ZNF804B: variants seen among roughly 807,000 people sequenced by gnomAD.
ZNF804B encodes zinc finger protein 804B.
In ZNF804B, 80 loss-of-function variants were observed where a neutral mutation model predicts 101.4. The ratio of observed to expected loss-of-function variants is 0.79; its 90% CI spans 0.66 to 0.95. The LOEUF is 0.95. Among genes scored for constraint, ZNF804B ranks in the 40% least tolerant of loss-of-function variants. The pLI, the probability that ZNF804B is intolerant of heterozygous loss-of-function variation, is 0.00. For missense variants in ZNF804B, 1,673 were observed against 1,561.9 expected, an observed-to-expected ratio of 1.07 and a Z score of -1.20; for synonymous variants, 622 against 558.8, an observed-to-expected ratio of 1.11 and a Z score of -1.59.
At chr7:88,997,713 T>C (rs1788222886) in intron 1 of ZNF804B, among the ~76,000 whole-genome samples, 1 of 152,062 alleles carries the variant, frequency 6.6e-6, no homozygotes, top group Admixed American at 6.6e-5. Context: ...ATTTTTGCTT[T>C]ATTTCTATTG....
intron 1 of ZNF804B, among the ~76,000 whole-genome samples, chr7:88,770,044 A>G (rs1056961263): frequency 6.6e-6 from 1 of 152,202 alleles, no homozygotes; most frequent in African/African-American, 2.4e-5. Context: ...ATCAGTTGTT[A>G]ATAGATAGTT....
At chr7:88,972,246 T>C (rs1488736358) in intron 1 of ZNF804B, among the ~76,000 whole-genome samples, 3 of 151,560 alleles carry the variant, frequency 2.0e-5, no homozygotes, top group African/African-American at 7.3e-5. Context: ...TACTGTCTCA[T>C]TTCTCACCAG....
chr7:88,962,788 G>A (rs1793407608), intron 1 of ZNF804B, among the ~76,000 whole-genome samples: 1 of 135,684 alleles, frequency 7.4e-6, no homozygotes, highest in South Asian at 2.3e-4. Context: ...TAAATTTATA[G>A]TCTTAAAAAG....
chr7:88,944,340 T>C (rs1584030799), intron 1 of ZNF804B, among the ~76,000 whole-genome samples: 1 of 151,858 alleles, frequency 6.6e-6, no homozygotes, highest in East Asian at 1.9e-4. Flanking sequence ...GTTTGCATTT[T>C]CTAATGACTA....
At chr7:88,790,779 T>C (rs573665898) in intron 1 of ZNF804B, among the ~76,000 whole-genome samples, 1 of 152,206 alleles carries the variant, frequency 6.6e-6, no homozygotes, top group South Asian at 2.1e-4. Flanking sequence ...TGCATTCTAT[T>C]ATAACTTTCA....
intron 1 of ZNF804B, among the ~76,000 whole-genome samples, chr7:88,967,144 A>T (rs1190850413): frequency 6.6e-6 from 1 of 151,588 alleles, no homozygotes; most frequent in Non-Finnish European, 1.5e-5. Context: ...GAGATGATGC[A>T]CATTGCTATG....
intron 2 of ZNF804B, among the ~76,000 whole-genome samples, chr7:89,316,601 A>T (rs1562944125): frequency 6.6e-6 from 1 of 152,132 alleles, no homozygotes; most frequent in East Asian, 1.9e-4. Context: ...ACAACAAAAG[A>T]TCACCTCTCA....
chr7:89,203,331 A>G (rs1054389359), intron 1 of ZNF804B, among the ~76,000 whole-genome samples: 1 of 152,192 alleles, frequency 6.6e-6, no homozygotes, highest in African/African-American at 2.4e-5. Flanking sequence ...AAACTGATGT[A>G]CAGAACTTCT....
intron 1 of ZNF804B, among the ~76,000 whole-genome samples, chr7:89,209,404 A>C (rs1788769353): frequency 6.6e-6 from 1 of 152,192 alleles, no homozygotes; most frequent in Admixed American, 6.5e-5. Context: ...TCTCATTCCA[A>C]GTCTGGCTAA....
chr7:88,784,312 G>A (rs1234206881), intron 1 of ZNF804B, among the ~76,000 whole-genome samples: 3 of 152,184 alleles, frequency 2.0e-5, no homozygotes, highest in Non-Finnish European at 4.4e-5. Context: ...TTTCTGCACA[G>A]CTTAGTTTCT....
chr7:89,334,790 A>G lies in ZNF804B; in HGVS notation c.1808A>G (p.Lys603Arg), dbSNP rs753895314. 3 of 1,613,888 alleles carry G rather than the reference A, an allele frequency of 1.9e-6. No individual in the cohort carries two copies. Among genetic ancestry groups the G allele is most frequent in the Non-Finnish European group, 2.5e-6 (3 of 1,179,880 alleles). The change falls in exon 4 of 4, where the codon AAG becomes AGG. Residue 603 changes from lysine to arginine, a missense_variant. Physicochemically the swap from Lys to Arg is conservative, Grantham distance 26. Transcript: ENST00000333190. ...AATAATAGTAGTGAGAACAAACTTA[A>G]GGAAGCTTCAAGGGCCCATTGGCAA... ...GKNNSSENKLKEASRAHWQGC... is the reference protein window; with the variant it reads ...GKNNSSENKLREASRAHWQGC...
At chr7:89,062,011 A>G (rs1789389011) in intron 1 of ZNF804B, among the ~76,000 whole-genome samples, 1 of 151,974 alleles carries the variant, frequency 6.6e-6, no homozygotes, top group Non-Finnish European at 1.5e-5. Flanking sequence ...ATACTCATCA[A>G]AAGCACTTGT....
intron 1 of ZNF804B, among the ~76,000 whole-genome samples, chr7:89,208,564 T>G (rs1263925820): frequency 1.3e-5 from 2 of 151,504 alleles, no homozygotes; most frequent in Non-Finnish European, 2.9e-5. Context: ...GCTGTTATGA[T>G]TATCTTTGGA....
chr7:88,978,413 G>A (rs976496101), intron 1 of ZNF804B, among the ~76,000 whole-genome samples: 1 of 151,804 alleles, frequency 6.6e-6, no homozygotes, highest in Admixed American at 6.6e-5. Context: ...AGTTTTGGGT[G>A]AATATACATT....
intron 1 of ZNF804B, among the ~76,000 whole-genome samples, chr7:89,115,850 A>G (rs757661693): frequency 4.7e-4 from 71 of 151,976 alleles, no homozygotes; most frequent in African/African-American, 5.8e-4. Flanking sequence ...AGTCAAGTCA[A>G]CATTATTACT....
At chr7:88,895,458 G>A (rs544326596) in intron 1 of ZNF804B, among the ~76,000 whole-genome samples, 1 of 152,344 alleles carries the variant, frequency 6.6e-6, no homozygotes, top group East Asian at 1.9e-4. Flanking sequence ...GTATGTGCTA[G>A]TATGCATGTG....
chr7:89,305,864 ATG>A (rs990127216), intron 2 of ZNF804B, among the ~76,000 whole-genome samples: 1 of 151,996 alleles, frequency 6.6e-6, no homozygotes, highest in Non-Finnish European at 1.5e-5. Context: ...TTGAATAAAG[ATG>A]TGTACTTTTT....
chr7:88,937,642 ATAATC>A (rs1347374750), intron 1 of ZNF804B, among the ~76,000 whole-genome samples: 1 of 151,936 alleles, frequency 6.6e-6, no homozygotes, highest in African/African-American at 2.4e-5. Flanking sequence ...TCATAAATAA[ATAATC>A]TAATTTCTTG....
rs185173372 is a variant in ZNF804B, at chr7:89,189,075, T to C, written c.109-29080T>C. Among the ~76,000 whole-genome samples, 5 of 152,216 alleles carry C rather than the reference T, an allele frequency of 3.3e-5. No individual in the cohort carries two copies. The East Asian group carries it at 9.7e-4, about 30-fold the overall frequency. On this transcript the variant is annotated intron_variant, in intron 1 of 3. Coordinates refer to ENST00000333190, the MANE Select transcript of ZNF804B (RefSeq NM_181646.5). ...GAGAAGAATTCCTAACAGGGGATAA[T>C]GTGGCTGGTGACTTTAAGTTGAAGC...
Sources: allele counts gnomAD v4.1 joint callset (sites outside exome capture counted in the v4.1 genomes callset), GRCh38; gene constraint gnomAD v4.1.1; transcripts MANE v1.5; gene names NCBI Gene and HGNC (gene_info 2026-07-23, HGNC 2026-07-21).